Variants in TRPM3 observed in about 807,000 individuals in gnomAD.
The protein encoded by TRPM3 is transient receptor potential cation channel subfamily M member 3.
TRPM3 carries 77 observed loss-of-function variants against 181.2 expected under a neutral mutation model. That is an observed-to-expected ratio of 0.42 (90% CI 0.35 to 0.51). TRPM3 has a LOEUF of 0.51. Among genes scored for constraint, TRPM3 ranks in the 20% least tolerant of loss-of-function variants. The pLI, the probability that TRPM3 is intolerant of heterozygous loss-of-function variation, is 0.01. For synonymous variants in TRPM3, 745 were observed against 796.4 expected, an observed-to-expected ratio of 0.94 and a Z score of 1.09; for missense variants, 1,759 against 2,196.7, an observed-to-expected ratio of 0.80 and a Z score of 3.98.
At chr9:71,391,160 G>A (rs1039850129) in intron 1 of TRPM3, among the ~76,000 whole-genome samples, 2 of 151,942 alleles carry the variant, frequency 1.3e-5, no homozygotes, top group African/African-American at 2.4e-5. Flanking sequence ...AAAGGAAACT[G>A]AGTGTCTATT....
rs559315124 is a variant in TRPM3 at position 71,176,414 on chromosome 9, G to A, written c.183+270239C>T. 5.9e-5 allele frequency among the ~76,000 whole-genome samples: 9 copies of A among 152,172 alleles called. No individual in the cohort carries two copies. The East Asian group carries it at 1.5e-3, about 26-fold the overall frequency. ...AATAACATACTTTTTAATTGAAAAG[G>A]CCTAAGAATAAGGATATAAGGAAAG... is the stretch of plus-strand genomic sequence containing the variant. On this transcript the variant is annotated intron_variant, in intron 1 of 24. Transcript: ENST00000357533.
intron 9 of TRPM3, among the ~76,000 whole-genome samples, chr9:70,648,261 G>C (rs11507228): frequency 0.25 from 37,624 of 152,028 alleles, 5,011 homozygotes; most frequent in South Asian, 0.35. Context: ...GATCACTTGA[G>C]CCCAGGAGTT....
chr9:70,943,643 C>T (rs971301145), intron 1 of TRPM3, among the ~76,000 whole-genome samples: 14 of 152,218 alleles, frequency 9.2e-5, no homozygotes, highest in Admixed American at 6.5e-4. Flanking sequence ...GCCATTCTCT[C>T]ACTTTATGAA....
chr9:70,901,787 C>T (rs779339922), intron 1 of TRPM3, among the ~76,000 whole-genome samples: 4 of 152,108 alleles, frequency 2.6e-5, no homozygotes, highest in Non-Finnish European at 5.9e-5. Flanking sequence ...GATTTTGTTT[C>T]CAAGTTATTA....
intron 1 of TRPM3, among the ~76,000 whole-genome samples, chr9:71,366,735 C>A (rs939309468): frequency 6.6e-6 from 1 of 151,910 alleles, no homozygotes; most frequent in Non-Finnish European, 1.5e-5. Context: ...GACAGCTATA[C>A]CTAAAATAAA....
At chr9:71,171,320 G>C (rs1165090306) in intron 1 of TRPM3, among the ~76,000 whole-genome samples, 3 of 152,098 alleles carry the variant, frequency 2.0e-5, no homozygotes, top group Non-Finnish European at 2.9e-5. Context: ...CTTGATGTCT[G>C]TCACCCACAC....
At chr9:70,740,942 C>T (rs898020351) in intron 8 of TRPM3, among the ~76,000 whole-genome samples, 1 of 152,068 alleles carries the variant, frequency 6.6e-6, no homozygotes, top group African/African-American at 2.4e-5. Flanking sequence ...GCAAATGCAA[C>T]AAAAACAAAG....
chr9:71,248,348 G>C (rs985266373), intron 1 of TRPM3, among the ~76,000 whole-genome samples: 1 of 152,156 alleles, frequency 6.6e-6, no homozygotes, highest in African/African-American at 2.4e-5. Flanking sequence ...GTATGGTAAG[G>C]TGGTTTCTTC....
intron 6 of TRPM3, among the ~76,000 whole-genome samples, chr9:70,786,520 C>T (rs1287571456): frequency 6.6e-6 from 1 of 151,864 alleles, no homozygotes; most frequent in Non-Finnish European, 1.5e-5. Flanking sequence ...AGATTAAGGG[C>T]TAACTTGAAA....
At chr9:71,405,315 A>T (rs1051328411) in intron 1 of TRPM3, among the ~76,000 whole-genome samples, 5 of 152,228 alleles carry the variant, frequency 3.3e-5, no homozygotes, top group African/African-American at 4.8e-5. Context: ...TTTTTTAAAA[A>T]AATCTTCCTT....
chr9:71,151,910 T>A (rs1455541789), intron 1 of TRPM3, among the ~76,000 whole-genome samples: 2 of 152,020 alleles, frequency 1.3e-5, no homozygotes, highest in Non-Finnish European at 2.9e-5. Context: ...AGGTTCTGAG[T>A]TTTTTACTTC....
intron 1 of TRPM3, among the ~76,000 whole-genome samples, chr9:70,939,267 T>TA (rs1346347143): frequency 6.6e-6 from 1 of 152,088 alleles, no homozygotes; most frequent in African/African-American, 2.4e-5. Flanking sequence ...TTATTGTCTT[T>TA]ATTTATGACA....
At chr9:71,034,016 A>G (rs2057866951) in intron 1 of TRPM3, among the ~76,000 whole-genome samples, 1 of 152,230 alleles carries the variant, frequency 6.6e-6, no homozygotes, top group Non-Finnish European at 1.5e-5. Flanking sequence ...AAGAAACTGG[A>G]GTACTCAGAG....
chr9:71,436,175 G>A (rs559416864), intron 1 of TRPM3, among the ~76,000 whole-genome samples: 26 of 151,668 alleles, frequency 1.7e-4, no homozygotes, highest in Non-Finnish European at 3.2e-4. Context: ...TTCTCTTGCT[G>A]TCACCATGTA....
At chr9:70,971,320 A>G (rs1389473063) in intron 1 of TRPM3, among the ~76,000 whole-genome samples, 1 of 152,118 alleles carries the variant, frequency 6.6e-6, no homozygotes, top group Non-Finnish European at 1.5e-5. Context: ...CTCGCAGCAT[A>G]TTGAAATAGC....
intron 20 of TRPM3, among the ~76,000 whole-genome samples, chr9:70,599,694 C>T (rs982004586): frequency 6.6e-6 from 1 of 152,142 alleles, no homozygotes; most frequent in Non-Finnish European, 1.5e-5. Flanking sequence ...ATCAAATGTC[C>T]CCTTTTTAGG....
At chr9:70,904,001 T>C (rs2096425795) in intron 1 of TRPM3, among the ~76,000 whole-genome samples, 2 of 151,924 alleles carry the variant, frequency 1.3e-5, no homozygotes, top group Admixed American at 6.5e-5. Flanking sequence ...GGCAGGAGGA[T>C]CTCTCGAGCC....
At chr9:71,312,085 T>G (rs183199303) in intron 1 of TRPM3, among the ~76,000 whole-genome samples, 44 of 152,266 alleles carry the variant, frequency 2.9e-4, no homozygotes, top group Admixed American at 9.2e-4. Flanking sequence ...CATTAAAATT[T>G]AAAACTTCTT....
intron 9 of TRPM3, among the ~76,000 whole-genome samples, chr9:70,646,393 A>G (rs555586674): frequency 6.6e-6 from 1 of 152,346 alleles, no homozygotes; most frequent in South Asian, 2.1e-4. Context: ...GCAACCATAG[A>G]AAAGGATGAG....
Sources: gnomAD v4.1 joint callset for allele counts (sites outside exome capture counted in the v4.1 genomes callset) on GRCh38, gnomAD v4.1.1 for gene constraint, MANE v1.5 for transcripts, NCBI Gene and HGNC (gene_info 2026-07-23, HGNC 2026-07-21) for gene names.